The following IQCJ variants were observed in gnomAD, a reference collection of about 807,000 sequenced individuals.
IQCJ encodes IQ motif containing J.
In IQCJ, 9 loss-of-function variants were observed where a neutral mutation model predicts 11.0. That is an observed-to-expected ratio of 0.82 (90% CI 0.49 to 1.43). The LOEUF (loss-of-function observed/expected upper bound fraction) is 1.43, where lower values mean the gene tolerates loss of function less well. Ranked by LOEUF, IQCJ falls within the 40% of genes most tolerant of loss-of-function variation. The pLI is 0.00. For missense variants in IQCJ, 146 were observed against 133.2 expected, an observed-to-expected ratio of 1.10 and a Z score of -0.47; for synonymous variants, 55 against 51.3, an observed-to-expected ratio of 1.07 and a Z score of -0.31.
chr3:159,085,318 T>G (rs1367615336), intron 1 of IQCJ, among the ~76,000 whole-genome samples: 2 of 151,490 alleles, frequency 1.3e-5, no homozygotes, highest in Admixed American at 1.3e-4. Flanking sequence ...AGTCTATCAT[T>G]GTTGGACATT....
chr3:159,122,586 G>A (rs562484419), intron 1 of IQCJ, among the ~76,000 whole-genome samples: 14 of 151,742 alleles, frequency 9.2e-5, no homozygotes, highest in Admixed American at 4.6e-4. Context: ...TTTTTTCTTC[G>A]AAAAGTTTCC....
At chr3:159,087,246 C>T (rs1487287873) in intron 1 of IQCJ, among the ~76,000 whole-genome samples, 1 of 151,894 alleles carries the variant, frequency 6.6e-6, no homozygotes, top group Non-Finnish European at 1.5e-5. Context: ...ATTGAACCAG[C>T]CTTGCATCCC....
chr3:159,241,472 A>G (rs925680224), intron 1 of IQCJ, among the ~76,000 whole-genome samples: 8 of 152,104 alleles, frequency 5.3e-5, no homozygotes, highest in Non-Finnish European at 2.9e-5. Flanking sequence ...AAGTCCATCA[A>G]TGTGCTGGTT....
Position 159,262,832 on chromosome 3 carries a change from G to T in IQCJ, c.*101G>T, listed in dbSNP as rs1327244997. Reference sequence around the variant, plus strand: ...CTTATTTGCTACCCAGGAACCCATGGTGAGAGTTTTGTCACCTCAAAATAA... The same window carrying T: ...CTTATTTGCTACCCAGGAACCCATGTTGAGAGTTTTGTCACCTCAAAATAA... On this transcript the variant is annotated 3_prime_UTR_variant, in exon 4 of 4. Transcript: ENST00000397832. 2 of 1,456,128 alleles carry T rather than the reference G, an allele frequency of 1.4e-6. No individual in the cohort carries two copies. The highest frequency in any genetic ancestry group is 1.8e-6 in the Non-Finnish European group (2 of 1,098,528). The allele number at this position is 1,456,128 out of a possible 1,614,324, so 90.2% of individuals were successfully genotyped here.
chr3:159,186,073 G>A (rs1723354076), intron 1 of IQCJ, among the ~76,000 whole-genome samples: 1 of 152,184 alleles, frequency 6.6e-6, no homozygotes, highest in Admixed American at 6.5e-5. Context: ...CAGGGCGATA[G>A]GGACTAGGAT....
chr3:159,182,071 C>T (rs1723121525), intron 1 of IQCJ, among the ~76,000 whole-genome samples: 1 of 151,470 alleles, frequency 6.6e-6, no homozygotes, highest in Non-Finnish European at 1.5e-5. Flanking sequence ...TAACTGTACG[C>T]CTCATTATAT....
At chr3:159,072,228 A>G (rs535258049) in intron 1 of IQCJ, among the ~76,000 whole-genome samples, 2 of 152,138 alleles carry the variant, frequency 1.3e-5, no homozygotes, top group South Asian at 4.1e-4. Context: ...AATCCTTGGG[A>G]GCATTTTCCA....
intron 1 of IQCJ, among the ~76,000 whole-genome samples, chr3:159,226,769 G>A (rs2108135534): frequency 6.6e-6 from 1 of 152,326 alleles, no homozygotes; most frequent in East Asian, 1.9e-4. Context: ...GGAGGGAAGT[G>A]TAATCAGGAT....
intron 1 of IQCJ, among the ~76,000 whole-genome samples, chr3:159,155,694 AT>A (rs1560006514): frequency 6.6e-6 from 1 of 152,246 alleles, no homozygotes; most frequent in Non-Finnish European, 1.5e-5. Flanking sequence ...ACTCAGGATG[AT>A]TTTAGTATGC....
chr3:159,093,742 C>T (rs189320963), intron 1 of IQCJ, among the ~76,000 whole-genome samples: 48 of 151,844 alleles, frequency 3.2e-4, no homozygotes, highest in African/African-American at 7.5e-4. Flanking sequence ...ACAATCATGG[C>T]GAAAGGGGAA....
chr3:159,214,054 C>T (rs1443519884), intron 1 of IQCJ, among the ~76,000 whole-genome samples: 2 of 152,150 alleles, frequency 1.3e-5, no homozygotes, highest in East Asian at 1.9e-4. Context: ...ATTCCTATTA[C>T]TTCCTGCTGA....
chr3:159,101,560 A>G (rs1314190831), intron 1 of IQCJ, among the ~76,000 whole-genome samples: 3 of 152,124 alleles, frequency 2.0e-5, no homozygotes, highest in Non-Finnish European at 4.4e-5. Context: ...TATAACGGCA[A>G]CCTTCTTTGT....
rs376253612 is a variant in IQCJ, at chr3:159,182,776, AT to A, written c.10-63063del. Among the ~76,000 whole-genome samples the A allele has an allele frequency of 7.0e-4, 85 of 121,152 alleles. 1 individual carries two copies. Among genetic ancestry groups the A allele is most frequent in the Non-Finnish European group, 9.5e-4 (58 of 60,988 alleles). The allele number at this position is 121,152 out of a possible 152,430, so 79.5% of individuals were successfully genotyped here. The stretch of plus-strand genomic sequence containing the variant: ...CAGGGGTCAATCTTTATTTTTATTT[AT>A]TTTATTTTTTTTCACAATGCTTTTC... On this transcript the variant is annotated intron_variant, in intron 1 of 3. Coordinates refer to ENST00000397832, the MANE Select transcript of IQCJ (RefSeq NM_001042706.3).
chr3:159,175,418 CTG>C (rs1722741315), intron 1 of IQCJ, among the ~76,000 whole-genome samples: 1 of 152,190 alleles, frequency 6.6e-6, no homozygotes, highest in South Asian at 2.1e-4. Context: ...CTGCAGTGAG[CTG>C]TGATTATAAA....
intron 1 of IQCJ, among the ~76,000 whole-genome samples, chr3:159,089,291 T>A (rs1242134279): frequency 6.6e-6 from 1 of 152,234 alleles, no homozygotes; most frequent in Non-Finnish European, 1.5e-5. Context: ...AAAGATCCGC[T>A]GTTAGTCTGA....
In IQCJ at chr3:159,091,670, GCA is replaced by G. The variant is rs1272185511; in HGVS notation, c.9+22230_9+22231del. On this transcript the variant is annotated intron_variant, in intron 1 of 3. Transcript: ENST00000397832. ...TTTACACACACACACACACACACAC[GCA>G]TGCACACACACACACACACACACAC... Among the ~76,000 whole-genome samples the G allele has an allele frequency of 1.8e-4, 11 of 62,482 alleles. 1 individual carries two copies. The highest frequency in any genetic ancestry group is 3.2e-4 in the Admixed American group (2 of 6,162). 41.0% of individuals were successfully genotyped at this position (62,482 alleles called of 152,430 possible).
chr3:159,170,095 A>C (rs945866403), intron 1 of IQCJ, among the ~76,000 whole-genome samples: 2 of 152,198 alleles, frequency 1.3e-5, no homozygotes, highest in Non-Finnish European at 2.9e-5. Flanking sequence ...AGAAGCTGTG[A>C]TCTCACTCAG....
At chr3:159,169,288 T>TC in intron 1 of IQCJ, among the ~76,000 whole-genome samples, 1 of 143,828 alleles carries the variant, frequency 7.0e-6, no homozygotes. Context: ...TCTTTTTTTT[T>TC]TTTTTTTTTT....
chr3:159,112,681 C>T (rs186062230), intron 1 of IQCJ, among the ~76,000 whole-genome samples: 15 of 152,208 alleles, frequency 9.9e-5, no homozygotes, highest in Admixed American at 8.5e-4. Context: ...CACACCGTTT[C>T]GTTGGGGGCT....
Sources: allele counts gnomAD v4.1 joint callset (sites outside exome capture counted in the v4.1 genomes callset), GRCh38; gene constraint gnomAD v4.1.1; transcripts MANE v1.5; gene names NCBI Gene and HGNC (gene_info 2026-07-23, HGNC 2026-07-21).